Variants in NRXN3 observed in about 807,000 individuals in gnomAD.
NRXN3 encodes the protein neurexin 3.
A neutral mutation model predicts 137.6 loss-of-function variants in NRXN3; 32 were observed. The ratio of observed to expected loss-of-function variants is 0.23; its 90% CI spans 0.18 to 0.31. NRXN3 has a LOEUF of 0.31. Ranked by LOEUF, NRXN3 falls within the 10% of genes least tolerant of loss-of-function variation. The pLI is 1.00. For missense variants in NRXN3, 1,574 were observed against 2,062.5 expected, an observed-to-expected ratio of 0.76 and a Z score of 4.59; for synonymous variants, 798 against 784.5, an observed-to-expected ratio of 1.02 and a Z score of -0.29.
At chr14:79,002,816 C>T (rs2099544398) in intron 15 of NRXN3, among the ~76,000 whole-genome samples, 1 of 152,172 alleles carries the variant, frequency 6.6e-6, no homozygotes, top group Non-Finnish European at 1.5e-5. Context: ...AATGGTTACA[C>T]AATTTACATT....
intron 15 of NRXN3, among the ~76,000 whole-genome samples, chr14:79,188,451 G>A (rs901913782): frequency 4.6e-5 from 7 of 151,866 alleles, no homozygotes; most frequent in African/African-American, 1.7e-4. Flanking sequence ...TATCTTTCTG[G>A]AGAACAGTCT....
chr14:79,862,030 A>G lies in NRXN3; in HGVS notation c.*66A>G. ...TCTATCCACGCCTATGAATCTTTGG[A>G]CGGTGAGATCTCACAGATGTCAGAA... is the stretch of plus-strand genomic sequence containing the variant. On this transcript the variant is annotated 3_prime_UTR_variant, in exon 21 of 21. Coordinates refer to ENST00000335750, the MANE Select transcript of NRXN3 (RefSeq NM_001330195.2). The G allele has an allele frequency of 7.7e-7, 1 of 1,300,288 alleles. No homozygotes were observed. Among genetic ancestry groups the G allele is most frequent in the South Asian group, 1.4e-5 (1 of 69,414 alleles). 80.5% of individuals were successfully genotyped at this position (1,300,288 alleles called of 1,614,324 possible).
intron 20 of NRXN3, among the ~76,000 whole-genome samples, chr14:79,850,918 G>C (rs1171863146): frequency 2.0e-5 from 3 of 152,170 alleles, no homozygotes; most frequent in East Asian, 1.9e-4. Flanking sequence ...TGAAACTACA[G>C]CTTCCATGGG....
chr14:78,430,113 C>T (rs2153686356), intron 4 of NRXN3, among the ~76,000 whole-genome samples: 1 of 152,262 alleles, frequency 6.6e-6, no homozygotes, highest in East Asian at 1.9e-4. Context: ...TGTTGCACGT[C>T]TACAGTCCCA....
chr14:79,025,361 G>T (rs1302231249), intron 15 of NRXN3, among the ~76,000 whole-genome samples: 1 of 152,070 alleles, frequency 6.6e-6, no homozygotes, highest in Non-Finnish European at 1.5e-5. Flanking sequence ...GTAATCATCA[G>T]GCTCTGAACA....
chr14:79,105,322 C>G (rs372231878), intron 15 of NRXN3, among the ~76,000 whole-genome samples: 1 of 152,214 alleles, frequency 6.6e-6, no homozygotes, highest in Admixed American at 6.5e-5. Flanking sequence ...TTCAGTCACA[C>G]GTGAATTGTC....
At chr14:78,958,506 C>A (rs1326872754) in intron 11 of NRXN3, among the ~76,000 whole-genome samples, 1 of 151,974 alleles carries the variant, frequency 6.6e-6, no homozygotes, top group South Asian at 2.1e-4. Context: ...CAGGTGCCTG[C>A]CACCACGCCT....
chr14:78,661,238 A>G (rs1431190078), intron 6 of NRXN3, among the ~76,000 whole-genome samples: 3 of 152,242 alleles, frequency 2.0e-5, no homozygotes, highest in Non-Finnish European at 4.4e-5. Flanking sequence ...AATTAAGAGC[A>G]CTAAGAAAAA....
At chr14:78,263,870 A>G (rs1369602500) in intron 2 of NRXN3, among the ~76,000 whole-genome samples, 1 of 121,598 alleles carries the variant, frequency 8.2e-6, no homozygotes, top group East Asian at 2.4e-4. Context: ...TGTCAGTTCT[A>G]TTTTGTGTGT....
chr14:79,833,519 CG>C, intron 20 of NRXN3, among the ~76,000 whole-genome samples: 1 of 152,156 alleles, frequency 6.6e-6, no homozygotes, highest in Admixed American at 6.5e-5. Flanking sequence ...TTGCTTGAGA[CG>C]GACAAAACCT....
chr14:78,660,013 G>A (rs932603407), intron 6 of NRXN3, among the ~76,000 whole-genome samples: 2 of 152,058 alleles, frequency 1.3e-5, no homozygotes, highest in Non-Finnish European at 2.9e-5. Context: ...CTCAGCTACT[G>A]GGGACAGGGA....
intron 4 of NRXN3, among the ~76,000 whole-genome samples, chr14:78,401,502 G>A (rs77216306): frequency 0.026 from 3,964 of 151,920 alleles, 153 homozygotes; most frequent in African/African-American, 0.084. Context: ...ATGAGGATTA[G>A]ATTTCAACAG....
intron 15 of NRXN3, among the ~76,000 whole-genome samples, chr14:79,361,748 T>C (rs1195660960): frequency 6.6e-6 from 1 of 152,010 alleles, no homozygotes; most frequent in African/African-American, 2.4e-5. Flanking sequence ...ATGTTTAACA[T>C]AATAAAATGA....
chr14:78,316,447 A>G lies in NRXN3; in HGVS notation c.757+18587A>G, dbSNP rs932456251. 2.2e-4 allele frequency among the ~76,000 whole-genome samples: 34 copies of G among 152,206 alleles called. 1 individual carries two copies. The highest frequency in any genetic ancestry group is 1.5e-5 in the Non-Finnish European group (1 of 68,030). On this transcript the variant is annotated intron_variant, in intron 4 of 20. Coordinates refer to ENST00000335750, the MANE Select transcript of NRXN3 (RefSeq NM_001330195.2). Reference sequence around the variant, plus strand: ...TATTGTTTCAGGGAGCTGGAGATGCAGGAAGGGAGGGGCAGCCACTTTTCT... The same window carrying G: ...TATTGTTTCAGGGAGCTGGAGATGCGGGAAGGGAGGGGCAGCCACTTTTCT...
At chr14:79,177,675 A>G (rs1391510567) in intron 15 of NRXN3, among the ~76,000 whole-genome samples, 1 of 152,184 alleles carries the variant, frequency 6.6e-6, no homozygotes, top group East Asian at 1.9e-4. Flanking sequence ...CCTCTGATAC[A>G]TTTGCATTTG....
At chr14:79,308,524 T>C (rs758490645) in intron 15 of NRXN3, among the ~76,000 whole-genome samples, 2 of 152,158 alleles carry the variant, frequency 1.3e-5, no homozygotes, top group Admixed American at 1.3e-4. Context: ...TAAAGTCAGA[T>C]ATATTTTTAT....
At chr14:79,168,838 AAATTT>A (rs2153087055) in intron 15 of NRXN3, among the ~76,000 whole-genome samples, 1 of 152,158 alleles carries the variant, frequency 6.6e-6, no homozygotes, top group Admixed American at 6.5e-5. Context: ...TGTAATACCT[AAATTT>A]ATAGTATGTG....
intron 4 of NRXN3, among the ~76,000 whole-genome samples, chr14:78,589,214 C>A (rs528015555): frequency 4.7e-4 from 72 of 152,298 alleles, no homozygotes; most frequent in African/African-American, 1.7e-3. Context: ...TGAGCAGATA[C>A]AGGAGCCCTC....
intron 16 of NRXN3, among the ~76,000 whole-genome samples, chr14:79,480,704 G>A (rs1567238853): frequency 1.3e-5 from 2 of 152,230 alleles, no homozygotes; most frequent in African/African-American, 4.8e-5. Flanking sequence ...GGAGGGAGGT[G>A]GTTGGATCAT....
Sources: allele counts gnomAD v4.1 joint callset (sites outside exome capture counted in the v4.1 genomes callset), GRCh38; gene constraint gnomAD v4.1.1; transcripts MANE v1.5; gene names NCBI Gene and HGNC (gene_info 2026-07-23, HGNC 2026-07-21).